The following MFSD2A variants were observed in gnomAD, a reference collection of about 807,000 sequenced individuals.
The protein encoded by MFSD2A is sodium-dependent lysophosphatidylcholine symporter 1.
In MFSD2A, 27 loss-of-function variants were observed where a neutral mutation model predicts 64.7. The observed-to-expected ratio is 0.42, with a 90% CI of 0.31 to 0.58. The LOEUF is 0.58. MFSD2A is among the 20% of genes least tolerant of loss of function. The probability of loss-of-function intolerance (pLI) is 0.18; values close to 1 mark genes in which losing one functional copy is unlikely to be tolerated. For synonymous variants in MFSD2A, 258 were observed against 273.4 expected, an observed-to-expected ratio of 0.94 and a Z score of 0.55; for missense variants, 474 against 679.5, an observed-to-expected ratio of 0.70 and a Z score of 3.36.
In MFSD2A at chr1:39,955,511, G is replaced by A. The variant is rs1470625037; in HGVS notation, c.93+126G>A. 9.5e-7 allele frequency: 1 copy of A among 1,053,668 alleles called. No homozygotes were observed. Among genetic ancestry groups the A allele is most frequent in the South Asian group, 1.4e-5 (1 of 73,482 alleles). 65.3% of individuals were successfully genotyped at this position (1,053,668 alleles called of 1,614,324 possible). On this transcript the variant is annotated intron_variant, in intron 1 of 13. Transcript: ENST00000372811. The surrounding 1 kb of genome is among the most constrained non-coding windows in gnomAD (Gnocchi z 5.9). ...ATAGCCAGGGACAGGAAGCCTACGA[G>A]CCAGAGAGGACCTGGGGGTGCCCTG...
chr1:39,959,326 C>G (rs1010759514), intron 3 of MFSD2A, among the ~76,000 whole-genome samples: 6 of 151,570 alleles, frequency 4.0e-5, no homozygotes, highest in African/African-American at 1.5e-4. Context: ...TAACTCACTG[C>G]AGCCTAGAAC....
chr1:39,967,335 G>A (rs992347880), intron 9 of MFSD2A, 166 bp downstream of exon 9: 9 of 657,028 alleles, frequency 1.4e-5, no homozygotes, highest in Middle Eastern at 5.1e-4. Context: ...GTAGGACTGT[G>A]AAAGAAAGAG....
chr1:39,967,834 C>G lies in MFSD2A; in HGVS notation c.1126C>G (p.Leu376Val), dbSNP rs143313497. ...AGTGCCATTTCTCATCTTGGTGGCC[C>G]TCATGGAGAGTAACCTCATCATTAC... ...SAVPFLILVA[L>V]MESNLIITYA... is the part of the protein sequence containing the mutation. The change falls in exon 11 of 14, where the codon CTC (leucine) becomes GTC (valine). Residue 376 changes from leucine to valine, a missense_variant. Leu to Val is a conservative substitution (Grantham distance 32). Transcript: ENST00000372811. The G allele has an allele frequency of 2.2e-5, 35 of 1,613,966 alleles. No homozygotes were observed. In the East Asian group the frequency reaches 7.6e-4, roughly 35 times the overall value.
rs1645137664 is a variant in MFSD2A at position 39,965,445 on chromosome 1, A to G, written c.478-26A>G. The G allele has an allele frequency of 1.2e-5, 19 of 1,613,880 alleles. No individual in the cohort carries two copies. The highest frequency in any genetic ancestry group is 1.6e-5 in the Non-Finnish European group (19 of 1,179,916). On this transcript the variant is annotated intron_variant, in intron 4 of 13. Coordinates refer to ENST00000372811, the MANE Select transcript of MFSD2A (RefSeq NM_032793.5). This position sits in a 1 kb window ranked among gnomAD's most constrained non-coding sequence, Gnocchi z 5.5. ...CATCAGTGTGTCCACCCGCCTGACC[A>G]GCCAATGACCTGTCTTCTATGCCAG...
rs1644913696 is a variant in MFSD2A at position 39,955,786 on chromosome 1, T to A, written c.93+401T>A. 2.5e-6 allele frequency: 1 copy of A among 403,342 alleles called. No homozygotes were observed. Among genetic ancestry groups the A allele is most frequent in the East Asian group, 7.1e-5 (1 of 14,060 alleles). 25.0% of individuals were successfully genotyped at this position (403,342 alleles called of 1,614,324 possible). A position where few individuals can be genotyped will look rare whatever the true frequency, so the allele number is the denominator to read the frequency against. On this transcript the variant is annotated intron_variant, in intron 1 of 13. Coordinates refer to ENST00000372811, the MANE Select transcript of MFSD2A (RefSeq NM_032793.5). This position sits in a 1 kb window ranked among gnomAD's most constrained non-coding sequence, Gnocchi z 5.9. ...TACCTCCCACTCCACCCACCTACTCTTGCGCCTCAACTCTGCTGTTAGGGC... is the reference window on the plus strand; with the variant it reads ...TACCTCCCACTCCACCCACCTACTCATGCGCCTCAACTCTGCTGTTAGGGC...
Position 39,966,940 on chromosome 1 carries a change from G to A in MFSD2A, c.927+8G>A, listed in dbSNP as rs748591857. ...ACCTCCTTGGCTTTCATGGTGAGTG[G>A]GTTCTGACATGCTCAGCCTGAGAAG... On this transcript the variant is annotated splice_region_variant and intron_variant, in intron 8 of 13. Coordinates refer to ENST00000372811, the MANE Select transcript of MFSD2A (RefSeq NM_032793.5). 6.2e-7 allele frequency: 1 copy of A among 1,613,156 alleles called. No individual in the cohort carries two copies. The highest frequency in any genetic ancestry group is 8.5e-7 in the Non-Finnish European group (1 of 1,180,026).
intron 3 of MFSD2A, among the ~76,000 whole-genome samples, chr1:39,959,661 C>T (rs76753405): frequency 0.017 from 2,530 of 149,922 alleles, 52 homozygotes; most frequent in African/African-American, 0.058. Flanking sequence ...ACCTATCTCA[C>T]ACTCACAGAG....
intron 7 of MFSD2A, 58 bp downstream of exon 7, chr1:39,966,749 C>T: frequency 2.5e-6 from 4 of 1,613,186 alleles, no homozygotes; most frequent in Non-Finnish European, 1.7e-6. Flanking sequence ...TATCTTTCTG[C>T]CTGGCCCTCA....
Position 39,963,634 on chromosome 1 carries a change from T to G in MFSD2A, c.354-1577T>G, listed in dbSNP as rs1645092447. Among the ~76,000 whole-genome samples the G allele has an allele frequency of 6.6e-6, 1 of 152,206 alleles. No individual in the cohort carries two copies. Among genetic ancestry groups the G allele is most frequent in the Non-Finnish European group, 1.5e-5 (1 of 68,040 alleles). On this transcript the variant is annotated intron_variant, in intron 3 of 13. Coordinates refer to ENST00000372811, the MANE Select transcript of MFSD2A (RefSeq NM_032793.5). This position sits in a 1 kb window ranked among gnomAD's most constrained non-coding sequence, Gnocchi z 4.2. Reference sequence around the variant, plus strand: ...ATACATTCACTTTGGTTTTTTTGTTTTTGTTTTTGGTACAGTAGGGATACA... The same window carrying G: ...ATACATTCACTTTGGTTTTTTTGTTGTTGTTTTTGGTACAGTAGGGATACA...
In MFSD2A at chr1:39,965,120, C is replaced by T; in HGVS notation, c.354-91C>T. 6.4e-7 allele frequency: 1 copy of T among 1,553,718 alleles called. No individual in the cohort carries two copies. Among genetic ancestry groups the T allele is most frequent in the East Asian group, 2.3e-5 (1 of 44,308 alleles). ...GGAAGGAAGAGCTTAGCTTCCTTCC[C>T]TGTGGGGACCCTGTGAGGCACAGCA... On this transcript the variant is annotated intron_variant, in intron 3 of 13. Transcript: ENST00000372811. This position sits in a 1 kb window ranked among gnomAD's most constrained non-coding sequence, Gnocchi z 5.5.
rs1645079387 is a variant in MFSD2A, at chr1:39,963,046, G to A, written c.354-2165G>A. The A allele has an allele frequency of 8.3e-6, 12 of 1,440,456 alleles. No individual in the cohort carries two copies. The South Asian group carries it at 1.4e-4, about 17-fold the overall frequency. 89.2% of individuals were successfully genotyped at this position (1,440,456 alleles called of 1,614,324 possible). A position where few individuals can be genotyped will look rare whatever the true frequency, so the allele number is the denominator to read the frequency against. On this transcript the variant is annotated intron_variant, in intron 3 of 13. Coordinates refer to ENST00000372811, the MANE Select transcript of MFSD2A (RefSeq NM_032793.5). This position sits in a 1 kb window ranked among gnomAD's most constrained non-coding sequence, Gnocchi z 4.2. ...AAGCTCTCCATTGTCCCCGTGCGCA[G>A]AGGCTACTGGGGGAACAAGATCAGC...
In MFSD2A at chr1:39,955,235, C is replaced by T; in HGVS notation, c.-58C>T. ...GAAGCGAGCTTGGGAGGAGCAGCGG[C>T]CTGCGGGGCAGAGGAGCATCCCGTC... is the stretch of plus-strand genomic sequence containing the variant. On this transcript the variant is annotated 5_prime_UTR_variant, in exon 1 of 14. Coordinates refer to ENST00000372811, the MANE Select transcript of MFSD2A (RefSeq NM_032793.5). This position sits in a 1 kb window ranked among gnomAD's most constrained non-coding sequence, Gnocchi z 5.9. 7 of 1,304,604 alleles carry T rather than the reference C, an allele frequency of 5.4e-6. No individual in the cohort carries two copies. Among genetic ancestry groups the T allele is most frequent in the Non-Finnish European group, 6.9e-6 (7 of 1,013,542 alleles). 80.8% of individuals were successfully genotyped at this position (1,304,604 alleles called of 1,614,324 possible).
chr1:39,965,729 G>A lies in MFSD2A; in HGVS notation c.557-128G>A, dbSNP rs1428372180. 5 of 1,296,730 alleles carry A rather than the reference G, an allele frequency of 3.9e-6. No individual in the cohort carries two copies. The highest frequency in any genetic ancestry group is 4.3e-6 in the Non-Finnish European group (4 of 923,388). 80.3% of individuals were successfully genotyped at this position (1,296,730 alleles called of 1,614,324 possible). A position where few individuals can be genotyped will look rare whatever the true frequency, so the allele number is the denominator to read the frequency against. ...GAGGTGCATATGCGTTCAAACCAAG[G>A]TGTCACCTACCCCACTACCTCTACC... is the stretch of plus-strand genomic sequence containing the variant. On this transcript the variant is annotated intron_variant, in intron 5 of 13. Transcript: ENST00000372811. The surrounding 1 kb of genome is among the most constrained non-coding windows in gnomAD (Gnocchi z 5.5).
Position 39,966,606 on chromosome 1 carries a change from G to A in MFSD2A, c.720G>A (p.Lys240=), listed in dbSNP as rs780730335. Residue 240 remains lysine, a synonymous_variant, in exon 7 of 14, where the codon AAG becomes AAA. Transcript: ENST00000372811. ...TCGCCTTCACCTCCTTATAGCAAAA[G>A]GCATACCTGCTGGCAGCGGGGGTCA... ...HGTTSHRETQ[K]AYLLAAGVIV... 2 of 1,612,530 alleles carry A rather than the reference G, an allele frequency of 1.2e-6. No individual in the cohort carries two copies. The highest frequency in any genetic ancestry group is 1.1e-5 in the South Asian group (1 of 90,808).
intron 1 of MFSD2A, among the ~76,000 whole-genome samples, chr1:39,956,120 C>T (rs748531467): frequency 3.1e-4 from 47 of 152,346 alleles, no homozygotes; most frequent in Non-Finnish European, 5.1e-4. Context: ...TCTACTTTCC[C>T]TGGGCAACCC....
chr1:39,960,519 G>A lies in MFSD2A; in HGVS notation c.353+1694G>A, dbSNP rs930590408. ...CCCCGGCGCCAGCCCGTGAGACTTG[G>A]CCCTGTGCCCGCCTCCCTGGCAGCC... On this transcript the variant is annotated intron_variant, in intron 3 of 13. Coordinates refer to ENST00000372811, the MANE Select transcript of MFSD2A (RefSeq NM_032793.5). The surrounding 1 kb of genome is among the most constrained non-coding windows in gnomAD (Gnocchi z 4.8). 6.6e-6 allele frequency among the ~76,000 whole-genome samples: 1 copy of A among 152,244 alleles called. No homozygotes were observed. The highest frequency in any genetic ancestry group is 2.4e-5 in the African/African-American group (1 of 41,476).
Position 39,958,757 on chromosome 1 carries a change from C to T in MFSD2A, c.285C>T (p.Ile95=), listed in dbSNP as rs1183280145. The T allele has an allele frequency of 6.2e-7, 1 of 1,614,098 alleles. No individual in the cohort carries two copies. Among genetic ancestry groups the T allele is most frequent in the East Asian group, 2.2e-5 (1 of 44,880 alleles). Reference sequence around the variant, plus strand: ...TTGTGGGCCGAGCCTGGGATGCCATCACAGACCCCCTGGTGGGCCTCTGCA... The same window carrying T: ...TTGTGGGCCGAGCCTGGGATGCCATTACAGACCCCCTGGTGGGCCTCTGCA... ...ILFVGRAWDA[I]TDPLVGLCIS... is the part of the protein sequence containing the mutation. The change falls in exon 3 of 14, where the codon ATC becomes ATT. Residue 95 remains isoleucine, a synonymous_variant. Coordinates refer to ENST00000372811, the MANE Select transcript of MFSD2A (RefSeq NM_032793.5). The surrounding 1 kb of genome is among the most constrained non-coding windows in gnomAD (Gnocchi z 4.7).
In MFSD2A at chr1:39,965,892, A is replaced by G. The variant is rs1228666624; in HGVS notation, c.592A>G (p.Thr198Ala). 4 of 1,614,080 alleles carry G rather than the reference A, an allele frequency of 2.5e-6. No individual in the cohort carries two copies. The highest frequency in any genetic ancestry group is 3.4e-6 in the Non-Finnish European group (4 of 1,180,036). Reference sequence around the variant, plus strand: ...GGAAGTGCTGGGCACAGTGCTGGGCACGGCGATCCAGGGACAAATCGTGGG... The same window carrying G: ...GGAAGTGCTGGGCACAGTGCTGGGCGCGGCGATCCAGGGACAAATCGTGGG... ...TVEVLGTVLGTAIQGQIVGQA... is the reference protein window; with the variant it reads ...TVEVLGTVLGAAIQGQIVGQA... Residue 198 changes from threonine (T) to alanine (A), a missense_variant, in exon 6 of 14, where the codon ACG (threonine) becomes GCG (alanine). Coordinates refer to ENST00000372811, the MANE Select transcript of MFSD2A (RefSeq NM_032793.5). This position sits in a 1 kb window ranked among gnomAD's most constrained non-coding sequence, Gnocchi z 5.5.
At chr1:39,969,284 C>T (rs1448781919) in intron 13 of MFSD2A, among the ~76,000 whole-genome samples, 1 of 152,130 alleles carries the variant, frequency 6.6e-6, no homozygotes, top group Admixed American at 6.5e-5. Flanking sequence ...CGTCAGCCAG[C>T]CCAGGCGAGA....
Sources: gnomAD v4.1 joint callset for allele counts (sites outside exome capture counted in the v4.1 genomes callset) on GRCh38, gnomAD v4.1.1 for gene constraint, Gnocchi (gnomAD v3.1) non-coding constraint, MANE v1.5 for transcripts, NCBI Gene and HGNC (gene_info 2026-07-23, HGNC 2026-07-21) for gene names.